Variants in METTL15 observed in about 807,000 individuals in gnomAD.
The protein encoded by METTL15 is 12S rRNA N(4)-cytidine methyltransferase METTL15.
METTL15 carries 34 observed loss-of-function variants against 38.3 expected under a neutral mutation model. The ratio of observed to expected loss-of-function variants is 0.89; its 90% CI spans 0.68 to 1.18. The LOEUF (loss-of-function observed/expected upper bound fraction) is 1.18, where lower values mean the gene tolerates loss of function less well. Among genes scored for constraint, METTL15 ranks in the 50% most tolerant of loss-of-function variants. The pLI is 0.00. For synonymous variants in METTL15, 162 were observed against 170.9 expected, an observed-to-expected ratio of 0.95 and a Z score of 0.41; for missense variants, 438 against 498.4, an observed-to-expected ratio of 0.88 and a Z score of 1.15.
intron 6 of METTL15, among the ~76,000 whole-genome samples, chr11:28,430,228 G>C (rs1294561232): frequency 1.3e-5 from 2 of 150,376 alleles, no homozygotes; most frequent in Admixed American, 6.6e-5. Flanking sequence ...AGGGAGGTGG[G>C]GGGGGTCAGC....
chr11:28,363,026 T>G (rs986829502), intron 5 of METTL15, among the ~76,000 whole-genome samples: 1 of 152,198 alleles, frequency 6.6e-6, no homozygotes, highest in Admixed American at 6.5e-5. Context: ...TCTATTGTTG[T>G]TTGACTTTTT....
chr11:28,278,619 T>TA (rs1855931251), intron 4 of METTL15, among the ~76,000 whole-genome samples: 1 of 152,192 alleles, frequency 6.6e-6, no homozygotes, highest in African/African-American at 2.4e-5. Context: ...TACTAAGTCT[T>TA]ACTATTCTAA....
At chr11:28,430,231 G>T (rs1223974318) in intron 6 of METTL15, among the ~76,000 whole-genome samples, 1 of 150,720 alleles carries the variant, frequency 6.6e-6, no homozygotes, top group Non-Finnish European at 1.5e-5. Flanking sequence ...GAGGTGGGGG[G>T]GGTCAGCCCC....
intron 4 of METTL15, among the ~76,000 whole-genome samples, chr11:28,227,096 G>C (rs1233154770): frequency 6.6e-6 from 1 of 151,818 alleles, no homozygotes; most frequent in African/African-American, 2.4e-5. Flanking sequence ...GTAAGCTGAA[G>C]CTGTTTTTTT....
At chr11:28,521,335 A>G (rs960333660) in intron 6 of METTL15, among the ~76,000 whole-genome samples, 19 of 152,184 alleles carry the variant, frequency 1.2e-4, no homozygotes, top group Admixed American at 8.5e-4. Context: ...CCTCTAGTGC[A>G]CTATTTCTAT....
intron 6 of METTL15, among the ~76,000 whole-genome samples, chr11:28,510,897 TG>T (rs1347083741): frequency 1.3e-5 from 2 of 152,186 alleles, no homozygotes; most frequent in African/African-American, 4.8e-5. Context: ...TGGGTCTGTC[TG>T]GGCACTAATT....
At chr11:28,249,276 GATACTT>G (rs1854638514) in intron 4 of METTL15, among the ~76,000 whole-genome samples, 2 of 151,856 alleles carry the variant, frequency 1.3e-5, no homozygotes, top group Admixed American at 1.3e-4. Context: ...ATTTGACAGA[GATACTT>G]ATAAAGTACT....
intron 4 of METTL15, among the ~76,000 whole-genome samples, chr11:28,228,491 T>A (rs561896613): frequency 1.5e-4 from 23 of 151,968 alleles, no homozygotes; most frequent in Non-Finnish European, 2.8e-4. Context: ...TTTTGTTGGG[T>A]CCTGATCAGA....
At chr11:28,393,284 A>C (rs1366691200) in intron 5 of METTL15, among the ~76,000 whole-genome samples, 2 of 152,188 alleles carry the variant, frequency 1.3e-5, no homozygotes, top group African/African-American at 2.4e-5. Flanking sequence ...GTAAATGTCC[A>C]TTTATAAATG....
At chr11:28,322,892 G>A (rs1398493179) in intron 6 of METTL15, among the ~76,000 whole-genome samples, 3 of 152,070 alleles carry the variant, frequency 2.0e-5, no homozygotes, top group African/African-American at 4.8e-5. Context: ...CCAGTTGGCT[G>A]GTACTTGACA....
intron 3 of METTL15, chr11:28,145,790 G>T (rs888247908): frequency 2.0e-5 from 3 of 151,928 alleles, no homozygotes; most frequent in Non-Finnish European, 4.4e-5. Context: ...TTAATGTTTT[G>T]TAATTTTTTT....
intron 5 of METTL15, among the ~76,000 whole-genome samples, chr11:28,418,226 G>T (rs57589161): frequency 0.055 from 8,327 of 152,080 alleles, 402 homozygotes; most frequent in African/African-American, 0.13. Context: ...AGACAATCAC[G>T]CTCGTTAAAC....
At chr11:28,390,837 G>A (rs1469403726) in intron 5 of METTL15, among the ~76,000 whole-genome samples, 1 of 152,090 alleles carries the variant, frequency 6.6e-6, no homozygotes, top group Non-Finnish European at 1.5e-5. Flanking sequence ...CCATTTTCAT[G>A]ATATTGATTC....
chr11:28,343,308 A>G (rs979028627), intron 3 of METTL15, among the ~76,000 whole-genome samples: 3 of 152,136 alleles, frequency 2.0e-5, no homozygotes, highest in African/African-American at 7.2e-5. Flanking sequence ...CATTTGCCTT[A>G]CAACCAGAGA....
At chr11:28,370,151 AC>A (rs980548809) in intron 5 of METTL15, among the ~76,000 whole-genome samples, 3 of 152,098 alleles carry the variant, frequency 2.0e-5, no homozygotes, top group African/African-American at 7.2e-5. Context: ...GATCTATCAA[AC>A]AGTAGGTCTT....
intron 6 of METTL15, among the ~76,000 whole-genome samples, chr11:28,329,290 A>T (rs532738953): frequency 1.3e-5 from 2 of 152,100 alleles, no homozygotes; most frequent in Non-Finnish European, 1.5e-5. Flanking sequence ...TTGACTCTCA[A>T]TTACATTCTA....
At chr11:28,147,557 C>T (rs1849930255) in intron 3 of METTL15, among the ~76,000 whole-genome samples, 1 of 151,686 alleles carries the variant, frequency 6.6e-6, no homozygotes, top group Non-Finnish European at 1.5e-5. Flanking sequence ...TGATAGAGTA[C>T]AGTAGATGGT....
chr11:28,153,653 T>C (rs889492556), intron 3 of METTL15, among the ~76,000 whole-genome samples: 4 of 152,196 alleles, frequency 2.6e-5, no homozygotes, highest in African/African-American at 9.6e-5. Flanking sequence ...AACTTCATTT[T>C]ACTGTTGTAC....
intron 4 of METTL15, among the ~76,000 whole-genome samples, chr11:28,282,674 A>T (rs1189165051): frequency 6.6e-6 from 1 of 152,158 alleles, no homozygotes; most frequent in Non-Finnish European, 1.5e-5. Context: ...ATTGCCCTAC[A>T]TTGTTACTTT....
Sources: gnomAD v4.1 joint callset for allele counts (sites outside exome capture counted in the v4.1 genomes callset) on GRCh38, gnomAD v4.1.1 for gene constraint, MANE v1.5 for transcripts, NCBI Gene and HGNC (gene_info 2026-07-23, HGNC 2026-07-21) for gene names.